Variants in LUM observed in about 807,000 individuals in gnomAD.
LUM encodes lumican, also known as KSPG lumican.
LUM carries 13 observed loss-of-function variants against 20.5 expected under a neutral mutation model. That is an observed-to-expected ratio of 0.63 (90% confidence interval 0.41 to 1.01). LUM has a LOEUF of 1.01. LUM is among the 50% of genes least tolerant of loss of function. The probability of loss-of-function intolerance (pLI) is 0.00; values close to 1 mark genes in which losing one functional copy is unlikely to be tolerated. For synonymous variants in LUM, 173 were observed against 151.5 expected (o/e 1.14, Z -1.04); for missense variants, 321 against 391.1 (o/e 0.82, Z 1.51).
At chr12:91,110,487 G>A (rs1880180007) in intron 1 of LUM, among the ~76,000 whole-genome samples, 1 of 152,122 alleles carries the variant, frequency 6.6e-6, no homozygotes, top group South Asian at 2.1e-4. Flanking sequence ...TTTGCTGACA[G>A]AACTTGGCCA....
chr12:91,107,184 A>G (rs2121046066), intron 2 of LUM, among the ~76,000 whole-genome samples: 2 of 93,058 alleles, frequency 2.1e-5, no homozygotes, highest in African/African-American at 7.8e-5. Context: ...AACGAAAGAA[A>G]GAAAGAAGGA....
rs370488262 is a variant in LUM, at chr12:91,104,122, A to G, written c.*43T>C. 5.9e-6 allele frequency: 9 copies of G among 1,527,876 alleles called. No homozygotes were observed. The African/African-American group carries it at 8.2e-5, about 14-fold the overall frequency. The allele number at this position is 1,527,876 out of a possible 1,614,324, so 94.6% of individuals were successfully genotyped here. A position where few individuals can be genotyped will look rare whatever the true frequency, so the allele number is the denominator to read the frequency against. Reference sequence around the variant, plus strand: ...ATATGGATACTATGAAAACTGACACACAGAAAAACATAACCATAAAATATT... The same window carrying G: ...ATATGGATACTATGAAAACTGACACGCAGAAAAACATAACCATAAAATATT... On this transcript the variant is annotated 3_prime_UTR_variant, in exon 3 of 3. Coordinates refer to ENST00000266718, the MANE Select transcript of LUM (RefSeq NM_002345.4).
intron 2 of LUM, among the ~76,000 whole-genome samples, chr12:91,107,283 GAAAGAGAAAGAAAGAAAGAAAGAAAGAA>G (rs1880086785): frequency 1.3e-4 from 11 of 86,716 alleles, no homozygotes; most frequent in East Asian, 3.9e-4. Flanking sequence ...AAGAAAGAAA[GAAAGAGAAAGAAAGAAAGAAAGAAAGAA>G]AGAAAGAAAG....
At position 91,104,121 on chromosome 12, in the gene LUM, C is replaced by A; in HGVS notation, c.*44G>T. 1 of 1,517,764 alleles carries A rather than the reference C, an allele frequency of 6.6e-7. No individual in the cohort carries two copies. Among genetic ancestry groups the A allele is most frequent in the Non-Finnish European group, 9.1e-7 (1 of 1,097,302 alleles). The allele number at this position is 1,517,764 out of a possible 1,614,324, so 94.0% of individuals were successfully genotyped here. ...AATATGGATACTATGAAAACTGACACACAGAAAAACATAACCATAAAATAT... is the reference window on the plus strand; with the variant it reads ...AATATGGATACTATGAAAACTGACAAACAGAAAAACATAACCATAAAATAT... On this transcript the variant is annotated 3_prime_UTR_variant, in exon 3 of 3. Transcript: ENST00000266718.
rs1879952252 is a variant in LUM at position 91,103,390 on chromosome 12, T to A, written c.*775A>T. 1 of 152,084 alleles carries A rather than the reference T, an allele frequency of 6.6e-6. No homozygotes were observed. The highest frequency in any genetic ancestry group is 1.5e-5 in the Non-Finnish European group (1 of 67,956). The allele number at this position is 152,084 out of a possible 1,614,324, so 9.4% of individuals were successfully genotyped here. ...TATAGGTGTTTTTAAGAACTCTTTG[T>A]AAGTGAATGCTAGAAGTAGACAAAT... On this transcript the variant is annotated 3_prime_UTR_variant, in exon 3 of 3. Coordinates refer to ENST00000266718, the MANE Select transcript of LUM (RefSeq NM_002345.4).
chr12:91,106,300 C>T (rs1263751621), intron 2 of LUM, among the ~76,000 whole-genome samples: 1 of 152,150 alleles, frequency 6.6e-6, no homozygotes, highest in Non-Finnish European at 1.5e-5. Context: ...CAATTTTCAT[C>T]ATGTAGAGAT....
intron 2 of LUM, among the ~76,000 whole-genome samples, chr12:91,106,882 C>A (rs1880045783): frequency 6.6e-6 from 1 of 151,656 alleles, no homozygotes; most frequent in Admixed American, 6.6e-5. Context: ...GACCATGAGA[C>A]TATATGGGGC....
rs1880137533 is a variant in LUM, at chr12:91,108,836, T to C, written c.144A>G (p.Pro48=). 1 of 1,614,072 alleles carries C rather than the reference T, an allele frequency of 6.2e-7. No homozygotes were observed. The change falls in exon 2 of 3, where the codon CCA becomes CCG. Residue 48 remains proline, a synonymous_variant. Coordinates refer to ENST00000266718, the MANE Select transcript of LUM (RefSeq NM_002345.4). This position sits in a 1 kb window ranked among gnomAD's most constrained non-coding sequence, Gnocchi z 4.2. ...TCAGCTCATCACAGTACATGGCACT[T>C]GGGTAGCTTTCAGGGCAGTTACATT... ...APECNCPESY[P]SAMYCDELKL...
Position 91,111,494 on chromosome 12 carries a change from T to C in LUM, c.-118A>G, listed in dbSNP as rs1333334270. ...GCTGTGAACTCTGTCAGGACGGAAC[T>C]GGCTGCCAGATTCTGAGTGATACAA... is the stretch of plus-strand genomic sequence containing the variant. On this transcript the variant is annotated 5_prime_UTR_variant, in exon 1 of 3. Transcript: ENST00000266718. The C allele has an allele frequency of 2.1e-5, 3 of 141,610 alleles. No individual in the cohort carries two copies. The highest frequency in any genetic ancestry group is 8.0e-5 in the African/African-American group (3 of 37,540). 8.8% of individuals were successfully genotyped at this position (141,610 alleles called of 1,614,324 possible).
intron 1 of LUM, among the ~76,000 whole-genome samples, chr12:91,110,567 G>A (rs74596575): frequency 0.011 from 1,676 of 152,232 alleles, 28 homozygotes; most frequent in African/African-American, 0.039. Context: ...GTTATAGAAT[G>A]TAAATACTGT....
intron 2 of LUM, among the ~76,000 whole-genome samples, chr12:91,107,331 AAGAAAGAAAG>A (rs1880100002): frequency 6.9e-6 from 1 of 144,392 alleles, no homozygotes; most frequent in Non-Finnish European, 1.5e-5. Context: ...GAAAGAAAGA[AAGAAAGAAAG>A]AAAGGGAAAG....
Position 91,108,347 on chromosome 12 carries a change from G to A in LUM, c.633C>T (p.Tyr211=). ...TGTTGCTGATCTTATTGTTGTCTAA[G>A]TAGAGAGTTAGAAGAGAGACAGGGA... is the stretch of plus-strand genomic sequence containing the variant. The part of the protein sequence containing the change: ...SGLPVSLLTL[Y]LDNNKISNIP... Residue 211 remains tyrosine (Y), a synonymous_variant, in exon 2 of 3, where the codon TAC becomes TAT. Transcript: ENST00000266718. This position sits in a 1 kb window ranked among gnomAD's most constrained non-coding sequence, Gnocchi z 4.2. The A allele has an allele frequency of 6.2e-7, 1 of 1,614,172 alleles. No individual in the cohort carries two copies. The highest frequency in any genetic ancestry group is 8.5e-7 in the Non-Finnish European group (1 of 1,180,014).
At chr12:91,107,917 T>C (rs142268075) in intron 2 of LUM, among the ~76,000 whole-genome samples, 2 of 152,220 alleles carry the variant, frequency 1.3e-5, no homozygotes, top group Non-Finnish European at 2.9e-5. Context: ...GGTTTCATCA[T>C]GTTGGCCAGG....
intron 2 of LUM, among the ~76,000 whole-genome samples, chr12:91,105,969 T>C (rs1192797492): frequency 1.3e-5 from 2 of 152,212 alleles, no homozygotes; most frequent in East Asian, 1.9e-4. Flanking sequence ...TCCTTCCTCC[T>C]AACCACATAT....
intron 2 of LUM, among the ~76,000 whole-genome samples, chr12:91,105,631 G>T (rs2121042050): frequency 6.6e-6 from 1 of 152,216 alleles, no homozygotes; most frequent in East Asian, 1.9e-4. Flanking sequence ...AAAAAGACAA[G>T]GAGAATACCT....
chr12:91,108,127 G>C lies in LUM; in HGVS notation c.853C>G (p.Gln285Glu). The change falls in exon 2 of 3, where the codon CAA (glutamine) becomes GAA (glutamate). Residue 285 changes from glutamine to glutamate, a missense_variant. Physicochemically the swap from Gln to Glu is conservative, Grantham distance 29 (BLOSUM62 2). Coordinates refer to ENST00000266718, the MANE Select transcript of LUM (RefSeq NM_002345.4). The surrounding 1 kb of genome is among the most constrained non-coding windows in gnomAD (Gnocchi z 4.2). ...NLENYYLEVN[Q>E]LEKFDIKSFC... is the part of the protein sequence containing the mutation. ...ACAGCTTTTTACTTACTCTCAAGTT[G>C]ATTGACCTCCAGGTAATAGTTTTCA... The C allele has an allele frequency of 2.5e-6, 4 of 1,613,880 alleles. No homozygotes were observed. The highest frequency in any genetic ancestry group is 3.4e-6 in the Non-Finnish European group (4 of 1,179,932).
At chr12:91,109,246 A>G (rs1366155939) in intron 1 of LUM, among the ~76,000 whole-genome samples, 3 of 108,504 alleles carry the variant, frequency 2.8e-5, no homozygotes, top group Non-Finnish European at 5.6e-5. Flanking sequence ...GGGCGAGCCC[A>G]GCCTAATTGT....
intron 2 of LUM, among the ~76,000 whole-genome samples, chr12:91,107,287 G>GAAAGAGAAAGAA (rs1426004605): frequency 3.6e-4 from 22 of 61,296 alleles, no homozygotes; most frequent in African/African-American, 1.0e-3. Flanking sequence ...AAGAAAGAAA[G>GAAAGAGAAAGAA]AGAAAGAAAG....
chr12:91,109,752 T>C (rs1880161753), intron 1 of LUM, among the ~76,000 whole-genome samples: 2 of 152,216 alleles, frequency 1.3e-5, no homozygotes, highest in African/African-American at 4.8e-5. Flanking sequence ...TTTCTCTTTC[T>C]GGAAAGAGAT....
Sources: gnomAD v4.1 joint callset for allele counts (sites outside exome capture counted in the v4.1 genomes callset) on GRCh38, gnomAD v4.1.1 for gene constraint, Gnocchi (gnomAD v3.1) non-coding constraint, MANE v1.5 for transcripts, NCBI Gene and HGNC (gene_info 2026-07-23, HGNC 2026-07-21) for gene names.